Variants in NEK7 observed in about 807,000 individuals in gnomAD.
NEK7 encodes NIMA related kinase 7, also known as serine/threonine-protein kinase Nek7.
In NEK7, 18 loss-of-function variants were observed where a neutral mutation model predicts 44.6. The observed-to-expected ratio is 0.40, with a 90% CI of 0.28 to 0.60. The LOEUF is 0.60. Ranked by LOEUF, NEK7 falls within the 20% of genes least tolerant of loss-of-function variation. The pLI is 0.38. For missense variants in NEK7, 256 were observed against 366.5 expected (o/e 0.70, Z 2.46); for synonymous variants, 130 against 121.1 (o/e 1.07, Z -0.48).
In NEK7 at chr1:198,308,594, G is replaced by A. The variant is rs1177034477; in HGVS notation, c.799-10818G>A. ...TGCTGGCATTGTTCTCTTTTTGTCT[G>A]TCTTTGTACCAAGAAAATATGTGCT... On this transcript the variant is annotated intron_variant, in intron 9 of 9. Transcript: ENST00000367385. 1.3e-5 allele frequency among the ~76,000 whole-genome samples: 2 copies of A among 152,182 alleles called. 1 individual carries two copies. The highest frequency in any genetic ancestry group is 4.1e-4 in the South Asian group (2 of 4,830).
intron 9 of NEK7, among the ~76,000 whole-genome samples, chr1:198,310,066 TAA>T (rs1655130792): frequency 1.3e-5 from 2 of 151,988 alleles, no homozygotes; most frequent in East Asian, 1.9e-4. Context: ...ACCAACAGTG[TAA>T]AAGTGTTCCT....
At chr1:198,163,976 C>G (rs941051127) in intron 1 of NEK7, among the ~76,000 whole-genome samples, 5 of 152,068 alleles carry the variant, frequency 3.3e-5, no homozygotes, top group Admixed American at 3.3e-4. Context: ...CACTGTGGCT[C>G]ACACCTGTAA....
At chr1:198,276,382 C>T (rs1404728038) in intron 5 of NEK7, among the ~76,000 whole-genome samples, 1 of 151,652 alleles carries the variant, frequency 6.6e-6, no homozygotes, top group Non-Finnish European at 1.5e-5. Flanking sequence ...TTCCTGTTGA[C>T]ATCAAACAGT....
chr1:198,197,162 G>A (rs1018165111), intron 1 of NEK7, among the ~76,000 whole-genome samples: 6 of 152,140 alleles, frequency 3.9e-5, no homozygotes, highest in Non-Finnish European at 8.8e-5. Flanking sequence ...AAGCTATGTA[G>A]AAATATAAAT....
chr1:198,246,144 C>T (rs10494766), intron 2 of NEK7, among the ~76,000 whole-genome samples: 20,972 of 152,124 alleles, frequency 0.14, 2,110 homozygotes, highest in East Asian at 0.57. Flanking sequence ...ATACTATAAT[C>T]GCTACCGAAG....
Position 198,319,562 on chromosome 1 carries a change from A to C in NEK7, c.*40A>C. 1 of 1,565,928 alleles carries C rather than the reference A, an allele frequency of 6.4e-7. No homozygotes were observed. Among genetic ancestry groups the C allele is most frequent in the South Asian group, 1.2e-5 (1 of 84,316 alleles). ...GAAGAGTGTAACCAAAGTAATTGAAAGTATTTTGTGCAAGTCATACCTCCC... is the reference window on the plus strand; with the variant it reads ...GAAGAGTGTAACCAAAGTAATTGAACGTATTTTGTGCAAGTCATACCTCCC... On this transcript the variant is annotated 3_prime_UTR_variant, in exon 10 of 10. Transcript: ENST00000367385.
rs1427351894 is a variant in NEK7, at chr1:198,232,634, A to G, written c.54A>G (p.Pro18=). The change falls in exon 2 of 10, where the codon CCA becomes CCG. Residue 18 remains proline, a synonymous_variant. Coordinates refer to ENST00000367385, the MANE Select transcript of NEK7 (RefSeq NM_133494.3). ...GGCCACCTGTTCCTCAGTTCCAACC[A>G]CAGGTAATTTATCCTAATTAAGATG... ...MQGPPVPQFQ[P]QKALRPDMGY... 1 of 1,580,752 alleles carries G rather than the reference A, an allele frequency of 6.3e-7. No individual in the cohort carries two copies. The highest frequency in any genetic ancestry group is 8.7e-7 in the Non-Finnish European group (1 of 1,150,000).
At chr1:198,249,160 G>T (rs1009756033) in intron 2 of NEK7, among the ~76,000 whole-genome samples, 1 of 150,776 alleles carries the variant, frequency 6.6e-6, no homozygotes, top group African/African-American at 2.4e-5. Context: ...TTGTTCTTGC[G>T]ATAGTTTACT....
At chr1:198,198,108 C>A (rs184669570) in intron 1 of NEK7, 8 of 1,283,514 alleles carry the variant, frequency 6.2e-6, no homozygotes, top group East Asian at 2.4e-5. Flanking sequence ...GGTGGGTGGG[C>A]AGGATTGGAA....
intron 1 of NEK7, among the ~76,000 whole-genome samples, chr1:198,211,001 C>T (rs940571305): frequency 1.3e-5 from 2 of 151,982 alleles, no homozygotes; most frequent in East Asian, 3.9e-4. Context: ...ATCCGCCCGC[C>T]TCGGCCTCCC....
chr1:198,291,053 T>C (rs1453470494), intron 7 of NEK7, among the ~76,000 whole-genome samples: 1 of 152,244 alleles, frequency 6.6e-6, no homozygotes, highest in Non-Finnish European at 1.5e-5. Flanking sequence ...GGCTAATCTC[T>C]GTAAAATGCT....
intron 1 of NEK7, among the ~76,000 whole-genome samples, chr1:198,229,300 C>T (rs553496161): frequency 3.7e-4 from 57 of 152,308 alleles, no homozygotes; most frequent in African/African-American, 1.1e-3. Context: ...CAACCCTTCC[C>T]TCATACTTGC....
At chr1:198,245,628 G>A (rs1057362670) in intron 2 of NEK7, among the ~76,000 whole-genome samples, 2 of 152,206 alleles carry the variant, frequency 1.3e-5, no homozygotes, top group Non-Finnish European at 2.9e-5. Context: ...GATGGAGGGG[G>A]CCATAGCGAG....
chr1:198,198,049 C>T (rs898278462), intron 1 of NEK7: 43 of 1,497,526 alleles, frequency 2.9e-5, no homozygotes, highest in Non-Finnish European at 3.7e-5. Flanking sequence ...AGCTGGATTG[C>T]CCTGGGAGAG....
At chr1:198,177,115 T>C (rs1664624387) in intron 1 of NEK7, among the ~76,000 whole-genome samples, 1 of 152,144 alleles carries the variant, frequency 6.6e-6, no homozygotes, top group Non-Finnish European at 1.5e-5. Context: ...AAGACTCATT[T>C]TGTGTAGAAA....
chr1:198,268,864 T>G (rs1433780225), intron 5 of NEK7, among the ~76,000 whole-genome samples: 1 of 152,100 alleles, frequency 6.6e-6, no homozygotes, highest in Non-Finnish European at 1.5e-5. Flanking sequence ...TCATTGGCCT[T>G]TCATTTCCTT....
At position 198,253,852 on chromosome 1, in the gene NEK7, G is replaced by A. The variant is rs1310037878; in HGVS notation, c.198+672G>A. Reference sequence around the variant, plus strand: ...GAATGCTCACTTGCCAGAGCCCTGAGTGTTTCACTTGCCCTAATGAGGTCC... The same window carrying A: ...GAATGCTCACTTGCCAGAGCCCTGAATGTTTCACTTGCCCTAATGAGGTCC... On this transcript the variant is annotated intron_variant, in intron 3 of 9. Transcript: ENST00000367385. Among the ~76,000 whole-genome samples the A allele has an allele frequency of 3.3e-5, 5 of 152,122 alleles. No homozygotes were observed. In the South Asian group the frequency reaches 1.0e-3, roughly 31 times the overall value.
chr1:198,249,701 G>T (rs556846952), intron 2 of NEK7, among the ~76,000 whole-genome samples: 1 of 149,230 alleles, frequency 6.7e-6, no homozygotes, highest in East Asian at 2.0e-4. Flanking sequence ...AGAAGTGTCT[G>T]TTCATGTCCT....
In NEK7 at chr1:198,164,152, C is replaced by T. The variant is rs118121971; in HGVS notation, c.-29+6876C>T. ...ATTGTCTTTAGTTACATAGTTCTCC[C>T]GTTTACTCCTCTAATCACTTTTTTT... On this transcript the variant is annotated intron_variant, in intron 1 of 9. Coordinates refer to ENST00000367385, the MANE Select transcript of NEK7 (RefSeq NM_133494.3). Among the ~76,000 whole-genome samples, 134 of 152,292 alleles carry T rather than the reference C, an allele frequency of 8.8e-4. 3 individuals are homozygous for T. The East Asian group carries it at 0.023, about 26-fold the overall frequency.
Sources: gnomAD v4.1 joint callset for allele counts (sites outside exome capture counted in the v4.1 genomes callset) on GRCh38, gnomAD v4.1.1 for gene constraint, MANE v1.5 for transcripts, NCBI Gene and HGNC (gene_info 2026-07-23, HGNC 2026-07-21) for gene names.